LMNTD2: variants seen among roughly 807,000 people sequenced by gnomAD.
LMNTD2 encodes the protein lamin tail domain containing 2.
In LMNTD2, 83 loss-of-function variants were observed where a neutral mutation model predicts 70.1. The observed-to-expected ratio is 1.18, with a 90% CI of 0.99 to 1.42. The LOEUF (loss-of-function observed/expected upper bound fraction) is 1.42, where lower values mean the gene tolerates loss of function less well. LMNTD2 is among the 40% of genes most tolerant of loss of function. The pLI is 0.00. For missense variants in LMNTD2, 1,153 were observed against 905.9 expected, an observed-to-expected ratio of 1.27 and a Z score of -3.50; for synonymous variants, 534 against 406.1, an observed-to-expected ratio of 1.31 and a Z score of -3.79.
Position 557,285 on chromosome 11 carries a change from G to A in LMNTD2, c.713+114C>T, listed in dbSNP as rs1174645690. 22 of 1,396,918 alleles carry A rather than the reference G, an allele frequency of 1.6e-5. No individual in the cohort carries two copies. In the Middle Eastern group the frequency reaches 5.6e-4, roughly 35 times the overall value. The allele number at this position is 1,396,918 out of a possible 1,614,324, so 86.5% of individuals were successfully genotyped here. On this transcript the variant is annotated intron_variant, in intron 7 of 13. Transcript: ENST00000329451. ...ACAGATCAGAGAACGCGCATTGGAA[G>A]GTTTAAGAGACTTATCCAGGGACAC...
In LMNTD2 at chr11:556,957, G is replaced by T; in HGVS notation, c.854C>A (p.Ser285Tyr). 1 of 1,603,888 alleles carries T rather than the reference G, an allele frequency of 6.2e-7. No homozygotes were observed. The highest frequency in any genetic ancestry group is 8.5e-7 in the Non-Finnish European group (1 of 1,178,528). ...AGGCAGGCCCGGCCGGCAGCTGCTG[G>T]AGTCGGAGTCAGCGCCCCCTGAGCT... ...TSSSGGADSD[S>Y]SSCRPGLPSF... Residue 285 changes from serine (S) to tyrosine (Y), a missense_variant, in exon 8 of 14, where the codon TCC becomes TAC. Transcript: ENST00000329451.
rs1002498488 is a variant in LMNTD2 at position 556,167 on chromosome 11, G to A, written c.1257+25C>T. On this transcript the variant is annotated intron_variant, in intron 10 of 13. Coordinates refer to ENST00000329451, the MANE Select transcript of LMNTD2 (RefSeq NM_173573.3). ...GGGGCGGCCGGGCCGGGCCGTCGGG[G>A]CCGGGCTCCCGGGCCGGGGCGCACC... 22 of 1,326,890 alleles carry A rather than the reference G, an allele frequency of 1.7e-5. No homozygotes were observed. The Middle Eastern group carries it at 1.6e-3, about 99-fold the overall frequency. The allele number at this position is 1,326,890 out of a possible 1,614,324, so 82.2% of individuals were successfully genotyped here. A position where few individuals can be genotyped will look rare whatever the true frequency, so the allele number is the denominator to read the frequency against.
rs139210903 is a variant in LMNTD2 at position 559,126 on chromosome 11, C to T, written c.35-147G>A. 8.9e-3 allele frequency: 13,115 copies of T among 1,477,030 alleles called. 80 individuals are homozygous for T. Among genetic ancestry groups the T allele is most frequent in the Admixed American group, 0.014 (625 of 43,986 alleles). 91.5% of individuals were successfully genotyped at this position (1,477,030 alleles called of 1,614,324 possible). A position where few individuals can be genotyped will look rare whatever the true frequency, so the allele number is the denominator to read the frequency against. On this transcript the variant is annotated intron_variant, in intron 1 of 13. Transcript: ENST00000329451. Reference sequence around the variant, plus strand: ...GTGTGGCCACACAGGTTGGAGCAGCCCAGGCGTCACCACTTACTCACAGAG... The same window carrying T: ...GTGTGGCCACACAGGTTGGAGCAGCTCAGGCGTCACCACTTACTCACAGAG...
chr11:556,619 C>A, intron 8 of LMNTD2, 31 bp from the exon 9 acceptor site: 5 of 1,475,920 alleles, frequency 3.4e-6, no homozygotes, highest in South Asian at 1.3e-5. Context: ...GGGGAGGGGA[C>A]CCTCGAATGG....
At position 560,640 on chromosome 11, in the gene LMNTD2, G is replaced by A. The variant is rs573422722; in HGVS notation, c.34+43C>T. 69 of 1,359,906 alleles carry A rather than the reference G, an allele frequency of 5.1e-5. No individual in the cohort carries two copies. In the African/African-American group the frequency reaches 6.2e-4, roughly 12 times the overall value. 84.2% of individuals were successfully genotyped at this position (1,359,906 alleles called of 1,614,324 possible). A position where few individuals can be genotyped will look rare whatever the true frequency, so the allele number is the denominator to read the frequency against. On this transcript the variant is annotated intron_variant, in intron 1 of 13. Coordinates refer to ENST00000329451, the MANE Select transcript of LMNTD2 (RefSeq NM_173573.3). ...TGGGCGGGAACCCGCCACACTAGAAGGCTGCTGAGGAAGTCGGCCCAGGAG... is the reference window on the plus strand; with the variant it reads ...TGGGCGGGAACCCGCCACACTAGAAAGCTGCTGAGGAAGTCGGCCCAGGAG...
At chr11:559,256 G>A in intron 1 of LMNTD2, 11 of 1,493,138 alleles carry the variant, frequency 7.4e-6, no homozygotes, top group Non-Finnish European at 9.9e-6. Context: ...GTGTACCCCT[G>A]CCACCCAGGT....
At chr11:559,845 GA>G in intron 1 of LMNTD2, 1 of 820,410 alleles carries the variant, frequency 1.2e-6, no homozygotes, top group Non-Finnish European at 1.5e-6. Flanking sequence ...CGTTAACCTC[GA>G]ATTCCTGGGC....
At chr11:557,741 C>T in intron 5 of LMNTD2, 101 bp from the exon 6 acceptor site, 1 of 1,583,736 alleles carries the variant, frequency 6.3e-7, no homozygotes, top group African/African-American at 1.3e-5. Flanking sequence ...CCTGATTCCT[C>T]CCTGCTGGAG....
chr11:559,741 C>T (rs1185800865), intron 1 of LMNTD2: 4 of 1,069,108 alleles, frequency 3.7e-6, no homozygotes, highest in African/African-American at 3.3e-5. Context: ...TACACTCCTG[C>T]CCACAGCCTG....
chr11:558,381 G>C (rs570699180), intron 3 of LMNTD2, 133 bp from the exon 4 acceptor site: 3 of 1,121,934 alleles, frequency 2.7e-6, no homozygotes, highest in Admixed American at 5.5e-5. Flanking sequence ...GTACAGCCCC[G>C]CTGGGGCTGG....
chr11:558,107 C>T (rs765663714), intron 4 of LMNTD2, 54 bp downstream of exon 4: 81 of 1,606,114 alleles, frequency 5.0e-5, no homozygotes, highest in Admixed American at 1.2e-4. Context: ...AGGCCAGCCC[C>T]AGCCTGGCTC....
chr11:559,319 A>C, intron 1 of LMNTD2: 4 of 1,391,820 alleles, frequency 2.9e-6, no homozygotes, highest in Non-Finnish European at 1.9e-6. Flanking sequence ...TTGTCCCCCC[A>C]GCTCAGGGCC....
At chr11:560,372 C>G (rs1319609690) in intron 1 of LMNTD2, 9 of 1,191,742 alleles carry the variant, frequency 7.6e-6, no homozygotes, top group Non-Finnish European at 9.4e-6. Context: ...AGAAGAGCCT[C>G]AGCTAGAGTC....
intron 1 of LMNTD2, 79 bp from the exon 2 acceptor site, chr11:559,058 G>C (rs184628170): frequency 4.0e-5 from 62 of 1,566,244 alleles, no homozygotes; most frequent in Non-Finnish European, 5.2e-5. Context: ...AATGTTCTTC[G>C]GGAGCTGGGA....
Position 556,330 on chromosome 11 carries a change from G to A in LMNTD2, c.1119C>T (p.Phe373=). 6.5e-7 allele frequency: 1 copy of A among 1,535,864 alleles called. No homozygotes were observed. Among genetic ancestry groups the A allele is most frequent in the Non-Finnish European group, 8.7e-7 (1 of 1,146,614 alleles). Reference sequence around the variant, plus strand: ...CCTGCGACGGGTTGAAGATGCGGACGAACTTCTCCCGGCAGCTCACAGCCA... The same window carrying A: ...CCTGCGACGGGTTGAAGATGCGGACAAACTTCTCCCGGCAGCTCACAGCCA... ...KIVAVSCREK[F]VRIFNPSQES... is the part of the protein sequence containing the mutation. Residue 373 remains phenylalanine (F), a synonymous_variant, in exon 10 of 14, where the codon TTC becomes TTT. Coordinates refer to ENST00000329451, the MANE Select transcript of LMNTD2 (RefSeq NM_173573.3).
At position 557,980 on chromosome 11, in the gene LMNTD2, C is replaced by A; in HGVS notation, c.459G>T (p.Glu153Asp). ...LQTTRTLQEM[E>D]AELQNLQKSC... Reference sequence around the variant, plus strand: ...ACTTCTGCAAGTTCTGCAGCTCGGCCTCCATCTCCTGGAGCGTGCGGGTGG... The same window carrying A: ...ACTTCTGCAAGTTCTGCAGCTCGGCATCCATCTCCTGGAGCGTGCGGGTGG... The change falls in exon 5 of 14, where the codon GAG (glutamate) becomes GAT (aspartate). Residue 153 changes from glutamate to aspartate, a missense_variant. By Grantham distance (45) the Glu-to-Asp change is conservative (BLOSUM62 2). Coordinates refer to ENST00000329451, the MANE Select transcript of LMNTD2 (RefSeq NM_173573.3). The A allele has an allele frequency of 6.2e-7, 1 of 1,600,592 alleles. No individual in the cohort carries two copies. Among genetic ancestry groups the A allele is most frequent in the East Asian group, 2.2e-5 (1 of 44,686 alleles).
Position 555,417 on chromosome 11 carries a change from G to C in LMNTD2, c.1661C>G (p.Pro554Arg). 7.1e-7 allele frequency: 1 copy of C among 1,400,434 alleles called. No individual in the cohort carries two copies. The highest frequency in any genetic ancestry group is 1.6e-5 in the South Asian group (1 of 61,346). The allele number at this position is 1,400,434 out of a possible 1,614,324, so 86.8% of individuals were successfully genotyped here. A position where few individuals can be genotyped will look rare whatever the true frequency, so the allele number is the denominator to read the frequency against. The change falls in exon 13 of 14, where the codon CCC (proline) becomes CGC (arginine). Residue 554 changes from proline to arginine, a missense_variant. By Grantham distance (103) the Pro-to-Arg change is moderately radical. Coordinates refer to ENST00000329451, the MANE Select transcript of LMNTD2 (RefSeq NM_173573.3). The part of the protein sequence containing the change: ...GPARPENPEI[P>R]APQHLPAIPG... ...GATGGCGGGCAGGTGCTGCGGCGCG[G>C]GGATCTCGGGGTTCTCGGGCCGCGC...
Position 554,968 on chromosome 11 carries a change from A to C in LMNTD2, c.*12T>G. 2 of 1,544,354 alleles carry C rather than the reference A, an allele frequency of 1.3e-6. No individual in the cohort carries two copies. The highest frequency in any genetic ancestry group is 1.4e-5 in the African/African-American group (1 of 69,896). On this transcript the variant is annotated 3_prime_UTR_variant, in exon 14 of 14. Coordinates refer to ENST00000329451, the MANE Select transcript of LMNTD2 (RefSeq NM_173573.3). ...CGCCCTCCCTCGCGGTCCCGGCCCC[A>C]CTCCTCCGCCCCTAGGCGCCGCGGC...
chr11:559,816 T>G, intron 1 of LMNTD2: 1 of 978,804 alleles, frequency 1.0e-6, no homozygotes, highest in Non-Finnish European at 1.2e-6. Flanking sequence ...CTGGAATGCT[T>G]CGGTGTGATG....
Sources: gnomAD v4.1 joint callset for allele counts on GRCh38, gnomAD v4.1.1 for gene constraint, MANE v1.5 for transcripts, NCBI Gene and HGNC (gene_info 2026-07-23, HGNC 2026-07-21) for gene names.